SLC34A3: variants seen among roughly 807,000 people sequenced by gnomAD.
SLC34A3 encodes the protein sodium-dependent phosphate transport protein 2C.
A neutral mutation model predicts 43.9 loss-of-function variants in SLC34A3; 60 were observed. The observed-to-expected ratio is 1.37, with a 90% CI of 1.11 to 1.70. The LOEUF (loss-of-function observed/expected upper bound fraction) is 1.70, where lower values mean the gene tolerates loss of function less well. SLC34A3 is among the 40% of genes most tolerant of loss of function. SLC34A3 has a pLI of 0.00. For missense variants in SLC34A3, 969 were observed against 823.8 expected (o/e 1.18, Z -2.16); for synonymous variants, 451 against 386.2 (o/e 1.17, Z -1.97).
At chr9:137,231,610 G>C in intron 1 of SLC34A3, 54 bp from the exon 2 acceptor site, 1 of 1,141,296 alleles carries the variant, frequency 8.8e-7, no homozygotes, top group South Asian at 1.2e-5. Context: ...CAGCTTGTGA[G>C]GACAGGGCCG....
rs776999238 is a variant in SLC34A3 at position 137,234,986 on chromosome 9, C to T, written c.1335+255C>T. ...CATTTTCTCAGCTCTTTGCTGTGTC[C>T]CTGGGGGCCTGCCCCCAGCATCTCA... On this transcript the variant is annotated intron_variant, in intron 12 of 12. Transcript: ENST00000673835. This position sits in a 1 kb window ranked among gnomAD's most constrained non-coding sequence, Gnocchi z 6.9. Among the ~76,000 whole-genome samples, 17 of 152,158 alleles carry T rather than the reference C, an allele frequency of 1.1e-4. No individual in the cohort carries two copies. Among genetic ancestry groups the T allele is most frequent in the Non-Finnish European group, 1.9e-4 (13 of 68,012 alleles).
intron 6 of SLC34A3, 33 bp from the exon 7 acceptor site, chr9:137,233,176 C>A (rs1372415717): frequency 6.4e-7 from 1 of 1,559,416 alleles, no homozygotes; most frequent in East Asian, 2.4e-5. Context: ...CCGGGCCCCC[C>A]CACCTGACCC....
At chr9:137,232,044 A>G (rs772015085) in intron 2 of SLC34A3, 28 bp from the exon 3 acceptor site, 3 of 1,606,698 alleles carry the variant, frequency 1.9e-6, no homozygotes, top group Non-Finnish European at 2.6e-6. Context: ...GGTCCTGGAA[A>G]CAGCCGTACT....
Position 137,232,556 on chromosome 9 carries a change from G to C in SLC34A3, c.176-19G>C. 1.2e-6 allele frequency: 2 copies of C among 1,611,254 alleles called. No individual in the cohort carries two copies. The highest frequency in any genetic ancestry group is 1.7e-6 in the Non-Finnish European group (2 of 1,179,460). ...CAGGGTGGAGGGCCAGCCAGGGACA[G>C]CCTGCCCTGTGTCCTCAGAGCTCCG... On this transcript the variant is annotated intron_variant, in intron 3 of 12. Coordinates refer to ENST00000673835, the MANE Select transcript of SLC34A3 (RefSeq NM_001177316.2).
rs141979585 is a variant in SLC34A3, at chr9:137,236,090, C to G, written c.1474C>G (p.Leu492Val). 13 of 1,612,196 alleles carry G rather than the reference C, an allele frequency of 8.1e-6. No individual in the cohort carries two copies. In the African/African-American group the frequency reaches 1.6e-4, roughly 20 times the overall value. ...TTACCGCTGGGTGGCTGGGGTCTAC[C>G]TGCTGCTCGGATTCCTGCTGCTGCC... The part of the protein sequence containing the change: ...ARYRWVAGVY[L>V]LLGFLLLPLA... Residue 492 changes from leucine (L) to valine (V), a missense_variant, in exon 13 of 13, where the codon CTG becomes GTG. Transcript: ENST00000673835.
At chr9:137,233,783 G>GCCCC in intron 8 of SLC34A3, 61 bp downstream of exon 8, 1 of 693,568 alleles carries the variant, frequency 1.4e-6, no homozygotes. Flanking sequence ...GAGTCATCCC[G>GCCCC]CCCCACCCAC....
rs746906973 is a variant in SLC34A3, at chr9:137,233,227, G to C, written c.579G>C (p.Ala193=). 1 of 1,574,796 alleles carries C rather than the reference G, an allele frequency of 6.4e-7. No individual in the cohort carries two copies. Among genetic ancestry groups the C allele is most frequent in the Admixed American group, 1.8e-5 (1 of 55,084 alleles). ...GCCACAGGGCTTTCAGCGGCTCGGCGGTGCACGGGATCTTCAACTGGCTCA... is the reference window on the plus strand; with the variant it reads ...GCCACAGGGCTTTCAGCGGCTCGGCCGTGCACGGGATCTTCAACTGGCTCA... ...DEFQRAFSGS[A]VHGIFNWLTV... The change falls in exon 7 of 13, where the codon GCG becomes GCC. Residue 193 remains alanine (A), a synonymous_variant. Coordinates refer to ENST00000673835, the MANE Select transcript of SLC34A3 (RefSeq NM_001177316.2).
chr9:137,232,948 C>A (rs376025501), intron 5 of SLC34A3, 21 bp downstream of exon 5: 1 of 1,079,468 alleles, frequency 9.3e-7, no homozygotes, highest in African/African-American at 1.6e-5. Flanking sequence ...ACTCCCTCCC[C>A]GGGTGGTGGG....
rs141417134 is a variant in SLC34A3, at chr9:137,234,510, G to A, written c.1188G>A (p.Thr396=). The A allele has an allele frequency of 2.7e-5, 44 of 1,604,558 alleles. 1 individual carries two copies. Among genetic ancestry groups the A allele is most frequent in the Middle Eastern group, 1.6e-4 (1 of 6,070 alleles). Residue 396 remains threonine, a synonymous_variant, in exon 11 of 13, where the codon ACG becomes ACA. Transcript: ENST00000673835. This position sits in a 1 kb window ranked among gnomAD's most constrained non-coding sequence, Gnocchi z 6.9. Reference sequence around the variant, plus strand: ...CACTGCAGAGCAGCAGCGTCTTCACGGCGGCCGTCGTGCCCCTCATGGGTG... The same window carrying A: ...CACTGCAGAGCAGCAGCGTCTTCACAGCGGCCGTCGTGCCCCTCATGGGTG... ...TFALQSSSVF[T]AAVVPLMGVG...
rs148095831 is a variant in SLC34A3 at position 137,236,089 on chromosome 9, C to T, written c.1473C>T (p.Tyr491=). The change falls in exon 13 of 13, where the codon TAC becomes TAT. Residue 491 remains tyrosine, a synonymous_variant. Coordinates refer to ENST00000673835, the MANE Select transcript of SLC34A3 (RefSeq NM_001177316.2). The part of the protein sequence containing the change: ...TARYRWVAGV[Y]LLLGFLLLPL... ...GTTACCGCTGGGTGGCTGGGGTCTA[C>T]CTGCTGCTCGGATTCCTGCTGCTGC... 3.4e-4 allele frequency: 546 copies of T among 1,612,314 alleles called. 3 individuals carry two copies. The Middle Eastern group carries it at 5.1e-3, about 15-fold the overall frequency.
Position 137,236,256 on chromosome 9 carries a change from G to C in SLC34A3, c.1640G>C (p.Arg547Pro), listed in dbSNP as rs759660539. The change falls in exon 13 of 13, where the codon CGC becomes CCC. Residue 547 changes from arginine to proline, a missense_variant. By Grantham distance (103) the Arg-to-Pro change is moderately radical (BLOSUM62 -2). Coordinates refer to ENST00000673835, the MANE Select transcript of SLC34A3 (RefSeq NM_001177316.2). ...CCGGCCTGGCTGCCTGTCCGCCTGCGCTCCTGGGCCTGGCTCCCCGTCTGG... is the reference window on the plus strand; with the variant it reads ...CCGGCCTGGCTGCCTGTCCGCCTGCCCTCCTGGGCCTGGCTCCCCGTCTGG... ...RRPAWLPVRL[R>P]SWAWLPVWLH... 6.5e-7 allele frequency: 1 copy of C among 1,546,568 alleles called. No individual in the cohort carries two copies. The highest frequency in any genetic ancestry group is 8.7e-7 in the Non-Finnish European group (1 of 1,148,642).
chr9:137,232,745 G>A (rs1353902960), intron 4 of SLC34A3, 39 bp from the exon 5 acceptor site: 5 of 1,612,922 alleles, frequency 3.1e-6, no homozygotes. Context: ...CGGGCAACCA[G>A]CCCTCCGCAG....
At chr9:137,233,779 T>TTGGGGCCCCCCCCCCCCCCCCCCCA in intron 8 of SLC34A3, 57 bp downstream of exon 8, 1 of 1,445,816 alleles carries the variant, frequency 6.9e-7, no homozygotes. Context: ...TGCTGAGTCA[T>TTGGGGCCCCCCCCCCCCCCCCCCCA]CCCGCCCCAC....
In SLC34A3 at chr9:137,234,460, C is replaced by A; in HGVS notation, c.1138C>A (p.Leu380Ile). Reference protein sequence around the residue: ...LGWLGGYLAVLAGAGLTFALQ... With the variant: ...LGWLGGYLAVIAGAGLTFALQ... ...CTGGCTCGGCGGCTACCTGGCCGTCCTCGCGGGCGCCGGCCTGACCTTCGC... is the reference window on the plus strand; with the variant it reads ...CTGGCTCGGCGGCTACCTGGCCGTCATCGCGGGCGCCGGCCTGACCTTCGC... The change falls in exon 11 of 13, where the codon CTC becomes ATC. Residue 380 changes from leucine to isoleucine, a missense_variant. Coordinates refer to ENST00000673835, the MANE Select transcript of SLC34A3 (RefSeq NM_001177316.2). The surrounding 1 kb of genome is among the most constrained non-coding windows in gnomAD (Gnocchi z 6.9). 1 of 1,599,240 alleles carries A rather than the reference C, an allele frequency of 6.3e-7. No homozygotes were observed. The highest frequency in any genetic ancestry group is 1.3e-5 in the African/African-American group (1 of 75,000).
chr9:137,235,140 T>C (rs926923801), intron 12 of SLC34A3, among the ~76,000 whole-genome samples: 2 of 150,892 alleles, frequency 1.3e-5, no homozygotes, highest in African/African-American at 4.9e-5. Context: ...ATTCCACATC[T>C]GCAAAGGCCG....
chr9:137,231,269 G>A (rs948184315), intron 1 of SLC34A3, among the ~76,000 whole-genome samples: 2 of 152,136 alleles, frequency 1.3e-5, no homozygotes, highest in African/African-American at 2.4e-5. Context: ...AAGCCGAGAC[G>A]TCACTGTTTA....
rs1178226145 is a variant in SLC34A3, at chr9:137,234,602, C to T, written c.1211-5C>T. 6.2e-7 allele frequency: 1 copy of T among 1,612,270 alleles called. No homozygotes were observed. The stretch of plus-strand genomic sequence containing the variant: ...GGGTCCTGTGGTGACTCCCAGTTCC[C>T]CCAGGGGTCGGGGTGATCAGTCTGG... On this transcript the variant is annotated splice_polypyrimidine_tract_variant and splice_region_variant and intron_variant, in intron 11 of 12. Transcript: ENST00000673835. The surrounding 1 kb of genome is among the most constrained non-coding windows in gnomAD (Gnocchi z 6.9).
chr9:137,234,345 C>G lies in SLC34A3; in HGVS notation c.1093+69C>G, dbSNP rs1588848542. 3 of 1,601,068 alleles carry G rather than the reference C, an allele frequency of 1.9e-6. No homozygotes were observed. The highest frequency in any genetic ancestry group is 4.5e-5 in the East Asian group (2 of 44,816). ...ATCCCCCATAGACTTCCCCTTCCCA[C>G]CAGGCTGACTCGGGGGCTACCTGGC... is the stretch of plus-strand genomic sequence containing the variant. On this transcript the variant is annotated intron_variant, in intron 10 of 12. Coordinates refer to ENST00000673835, the MANE Select transcript of SLC34A3 (RefSeq NM_001177316.2). The surrounding 1 kb of genome is among the most constrained non-coding windows in gnomAD (Gnocchi z 6.9).
rs199536442 is a variant in SLC34A3, at chr9:137,234,471, C to T, written c.1149C>T (p.Ala383=). 6,596 of 1,600,260 alleles carry T rather than the reference C, an allele frequency of 4.1e-3. 20 individuals carry two copies. The highest frequency in any genetic ancestry group is 5.3e-3 in the Non-Finnish European group (6,243 of 1,179,268). Residue 383 remains alanine (A), a synonymous_variant, in exon 11 of 13, where the codon GCC becomes GCT. Coordinates refer to ENST00000673835, the MANE Select transcript of SLC34A3 (RefSeq NM_001177316.2). The surrounding 1 kb of genome is among the most constrained non-coding windows in gnomAD (Gnocchi z 6.9). ...GCTACCTGGCCGTCCTCGCGGGCGC[C>T]GGCCTGACCTTCGCACTGCAGAGCA... ...LGGYLAVLAG[A]GLTFALQSSS...
Sources: allele counts gnomAD v4.1 joint callset (sites outside exome capture counted in the v4.1 genomes callset), GRCh38; gene constraint gnomAD v4.1.1; non-coding constraint Gnocchi (gnomAD v3.1); transcripts MANE v1.5; gene names NCBI Gene and HGNC (gene_info 2026-07-23, HGNC 2026-07-21).